Variants in FABP9 observed in about 807,000 individuals in gnomAD.
FABP9 encodes the protein fatty acid-binding protein 9.
In FABP9, 11 loss-of-function variants were observed where a neutral mutation model predicts 14.7. The observed-to-expected ratio is 0.75, with a 90% CI of 0.47 to 1.24. The LOEUF (loss-of-function observed/expected upper bound fraction) is 1.24. Among genes scored for constraint, FABP9 ranks in the 50% most tolerant of loss-of-function variants. The pLI is 0.00. For synonymous variants in FABP9, 54 were observed against 50.6 expected, an observed-to-expected ratio of 1.07 and a Z score of -0.29; for missense variants, 171 against 158.2, an observed-to-expected ratio of 1.08 and a Z score of -0.44.
chr8:81,461,387 G>A, intron 1 of FABP9, 64 bp downstream of exon 1: 1 of 1,100,366 alleles, frequency 9.1e-7, no homozygotes, highest in African/African-American at 1.5e-5. Context: ...TCATGGTAAA[G>A]TACAAACCCA....
Position 81,458,503 on chromosome 8 carries a change from A to T in FABP9, c.349-70T>A, listed in dbSNP as rs113661805. On this transcript the variant is annotated intron_variant, in intron 3 of 3. Transcript: ENST00000379071. ...AAACTTGCCCTGCCCCTTTCTCCTCAGACCAAACCCTTAATTCAGGATGCA... is the reference window on the plus strand; with the variant it reads ...AAACTTGCCCTGCCCCTTTCTCCTCTGACCAAACCCTTAATTCAGGATGCA... The T allele has an allele frequency of 7.4e-6, 11 of 1,490,190 alleles. No homozygotes were observed. In the African/African-American group the frequency reaches 9.7e-5, roughly 13 times the overall value. 92.3% of individuals were successfully genotyped at this position (1,490,190 alleles called of 1,614,324 possible).
chr8:81,458,629 T>A lies in FABP9; in HGVS notation c.321A>T (p.Arg107Ser), dbSNP rs1436475965. ...KWLGKETTIK[R>S]KIVDEKMVVE... is the part of the protein sequence containing the mutation. ...CTACCATTTTTTCATCCACAATTTTTCTTTTGATTGTTGTCTCTTTGCCAA... is the reference window on the plus strand; with the variant it reads ...CTACCATTTTTTCATCCACAATTTTACTTTTGATTGTTGTCTCTTTGCCAA... The change falls in exon 3 of 4, where the codon AGA (arginine) becomes AGT (serine). Residue 107 changes from arginine (R) to serine (S), a missense_variant. Physicochemically the swap from Arg to Ser is moderately radical, Grantham distance 110. Transcript: ENST00000379071. The A allele has an allele frequency of 1.3e-5, 21 of 1,613,730 alleles. No homozygotes were observed. The highest frequency in any genetic ancestry group is 1.7e-5 in the Non-Finnish European group (20 of 1,179,728).
chr8:81,458,930 T>C (rs1178723305), intron 2 of FABP9, among the ~76,000 whole-genome samples: 1 of 152,230 alleles, frequency 6.6e-6, no homozygotes, highest in East Asian at 1.9e-4. Context: ...TTTCTTTCTA[T>C]GTGCTCTTTC....
chr8:81,460,082 C>T (rs1807667758), intron 1 of FABP9, among the ~76,000 whole-genome samples: 1 of 152,162 alleles, frequency 6.6e-6, no homozygotes, highest in Admixed American at 6.5e-5. Flanking sequence ...TCACTGCAAC[C>T]TCTGCCTCCC....
In FABP9 at chr8:81,458,307, A is replaced by G. The variant is rs760592504; in HGVS notation, c.*76T>C. 4.5e-6 allele frequency: 5 copies of G among 1,108,384 alleles called. No individual in the cohort carries two copies. The highest frequency in any genetic ancestry group is 6.8e-6 in the Non-Finnish European group (5 of 739,200). The allele number at this position is 1,108,384 out of a possible 1,614,324, so 68.7% of individuals were successfully genotyped here. On this transcript the variant is annotated 3_prime_UTR_variant, in exon 4 of 4. Transcript: ENST00000379071. ...TATATTGAGACATTTTTTAAAAATC[A>G]CCAGCCCTGAGGCATATCTTCTTCA...
chr8:81,460,702 A>C (rs1020992000), intron 1 of FABP9, among the ~76,000 whole-genome samples: 1 of 152,154 alleles, frequency 6.6e-6, no homozygotes, highest in African/African-American at 2.4e-5. Flanking sequence ...AAAGATAAGA[A>C]AGTCCTTGGC....
intron 2 of FABP9, 115 bp from the exon 3 acceptor site, chr8:81,458,818 T>G: frequency 1.3e-6 from 1 of 757,002 alleles, no homozygotes; most frequent in Non-Finnish European, 2.1e-6. Context: ...ATCCTCACTT[T>G]TGTTGTCATG....
At chr8:81,459,979 G>GTTT (rs568405597) in intron 1 of FABP9, among the ~76,000 whole-genome samples, 1 of 149,324 alleles carries the variant, frequency 6.7e-6, no homozygotes, top group African/African-American at 2.5e-5. Flanking sequence ...GACCTCGCAA[G>GTTT]TTTTTTTTTT....
intron 1 of FABP9, among the ~76,000 whole-genome samples, chr8:81,460,489 A>G (rs1209541339): frequency 6.6e-6 from 1 of 152,208 alleles, no homozygotes; most frequent in African/African-American, 2.4e-5. Flanking sequence ...GAGTCTATAA[A>G]TCTATGAAGA....
intron 3 of FABP9, 28 bp from the exon 4 acceptor site, chr8:81,458,461 C>A (rs28485205): frequency 1.3e-6 from 2 of 1,588,092 alleles, no homozygotes; most frequent in African/African-American, 2.7e-5. Flanking sequence ...TCTATTAGAG[C>A]TGGTAGATAA....
intron 2 of FABP9, among the ~76,000 whole-genome samples, 162 bp from the exon 3 acceptor site, chr8:81,458,865 T>C (rs1807639243): frequency 6.6e-6 from 1 of 152,222 alleles, no homozygotes; most frequent in Non-Finnish European, 1.5e-5. Context: ...CAAGAGATTA[T>C]TCAATTAGTG....
intron 1 of FABP9, among the ~76,000 whole-genome samples, chr8:81,460,817 C>T (rs1335244425): frequency 6.6e-6 from 1 of 152,094 alleles, no homozygotes; most frequent in Non-Finnish European, 1.5e-5. Context: ...CTATTATACA[C>T]CCAAGTCATT....
chr8:81,460,740 T>G (rs2129746830), intron 1 of FABP9, among the ~76,000 whole-genome samples: 1 of 152,062 alleles, frequency 6.6e-6, no homozygotes, highest in Non-Finnish European at 1.5e-5. Context: ...ACAAGGGAGG[T>G]TTCTCTTAAT....
In FABP9 at chr8:81,459,318, C is replaced by A. The variant is rs750305581; in HGVS notation, c.93G>T (p.Arg31=). ...TCGGTTTCACTAACCCTGCCATGTTCCGGGCTGCGAAATTCACTCCTACAA... is the reference window on the plus strand; with the variant it reads ...TCGGTTTCACTAACCCTGCCATGTTACGGGCTGCGAAATTCACTCCTACAA... ...MKELGVNFAA[R]NMAGLVKPTV... The change falls in exon 2 of 4, where the codon CGG becomes CGT. Residue 31 remains arginine, a synonymous_variant. Transcript: ENST00000379071. The A allele has an allele frequency of 1.3e-6, 2 of 1,534,136 alleles. No individual in the cohort carries two copies. The highest frequency in any genetic ancestry group is 2.6e-5 in the South Asian group (2 of 76,396).
Position 81,459,280 on chromosome 8 carries a change from C to T in FABP9, c.131G>A (p.Ser44Asn), listed in dbSNP as rs760005768. ...AGLVKPTVTI[S>N]VDGKMMTIRT... ...TATGGTCATCATTTTCCCATCAACA[C>T]TAATAGTTACTGTCGGTTTCACTAA... The change falls in exon 2 of 4, where the codon AGT becomes AAT. Residue 44 changes from serine (S) to asparagine (N), a missense_variant. Ser to Asn is a conservative substitution (Grantham distance 46). Transcript: ENST00000379071. 114 of 1,572,648 alleles carry T rather than the reference C, an allele frequency of 7.2e-5. No individual in the cohort carries two copies. The Admixed American group carries it at 2.3e-3, about 31-fold the overall frequency.
At chr8:81,459,863 G>C (rs917105607) in intron 1 of FABP9, among the ~76,000 whole-genome samples, 1 of 152,252 alleles carries the variant, frequency 6.6e-6, no homozygotes, top group South Asian at 2.1e-4. Flanking sequence ...AGAGTGAGAT[G>C]GTTAAAACCC....
rs796178097 is a variant in FABP9, at chr8:81,458,797, C to A, written c.247-94G>T. On this transcript the variant is annotated intron_variant, in intron 2 of 3. Transcript: ENST00000379071. The stretch of plus-strand genomic sequence containing the variant: ...ACTTTTTAATTTCTATTTTGAAATT[C>A]TTTTCTTAAAATCCTCACTTTTGTT... The A allele has an allele frequency of 5.5e-5, 49 of 887,654 alleles. No homozygotes were observed. The African/African-American group carries it at 6.1e-4, about 11-fold the overall frequency. The allele number at this position is 887,654 out of a possible 1,614,324, so 55.0% of individuals were successfully genotyped here. A position where few individuals can be genotyped will look rare whatever the true frequency, so the allele number is the denominator to read the frequency against.
chr8:81,459,400 A>G lies in FABP9; in HGVS notation c.74-63T>C, dbSNP rs1270770689. The G allele has an allele frequency of 3.6e-6, 5 of 1,387,572 alleles. No homozygotes were observed. In the South Asian group the frequency reaches 5.1e-5, roughly 14 times the overall value. The allele number at this position is 1,387,572 out of a possible 1,614,324, so 86.0% of individuals were successfully genotyped here. A position where few individuals can be genotyped will look rare whatever the true frequency, so the allele number is the denominator to read the frequency against. On this transcript the variant is annotated intron_variant, in intron 1 of 3. Coordinates refer to ENST00000379071, the MANE Select transcript of FABP9 (RefSeq NM_001080526.2). ...TTGTTAACAATCACTCTGGAAGTCA[A>G]TTTTCAAAGAATGCTTACTTTACCT...
At chr8:81,459,966 C>T (rs1268498290) in intron 1 of FABP9, among the ~76,000 whole-genome samples, 1 of 147,760 alleles carries the variant, frequency 6.8e-6, no homozygotes, top group Non-Finnish European at 1.5e-5. Flanking sequence ...TAACTGTATA[C>T]TTGACCTCGC....
Sources: allele counts gnomAD v4.1 joint callset (sites outside exome capture counted in the v4.1 genomes callset), GRCh38; gene constraint gnomAD v4.1.1; transcripts MANE v1.5; gene names NCBI Gene and HGNC (gene_info 2026-07-23, HGNC 2026-07-21).